The following VWA3B variants were observed in gnomAD, a reference collection of about 807,000 sequenced individuals.
VWA3B encodes von Willebrand factor A domain-containing protein 3B.
In VWA3B, 138 loss-of-function variants were observed where a neutral mutation model predicts 158.3. That is an observed-to-expected ratio of 0.87 (90% confidence interval 0.76 to 1.00). VWA3B has a LOEUF of 1.00. Among genes scored for constraint, VWA3B ranks in the 50% least tolerant of loss-of-function variants. The pLI, the probability that VWA3B is intolerant of heterozygous loss-of-function variation, is 0.00. For missense variants in VWA3B, 1,555 were observed against 1,565.1 expected, an observed-to-expected ratio of 0.99 and a Z score of 0.11; for synonymous variants, 596 against 587.3, an observed-to-expected ratio of 1.01 and a Z score of -0.21.
intron 1 of VWA3B, among the ~76,000 whole-genome samples, chr2:98,090,896 C>T (rs1220343828): frequency 6.6e-6 from 1 of 151,554 alleles, no homozygotes; most frequent in Non-Finnish European, 1.5e-5. Context: ...GCTGGGACTA[C>T]AGGCATGCAC....
intron 12 of VWA3B, among the ~76,000 whole-genome samples, chr2:98,209,688 C>G (rs983118720): frequency 6.6e-6 from 1 of 152,144 alleles, no homozygotes; most frequent in Non-Finnish European, 1.5e-5. Flanking sequence ...TTAGCTCTTC[C>G]TCATTGTTCC....
chr2:98,164,781 A>T (rs2105258273), intron 8 of VWA3B, among the ~76,000 whole-genome samples: 1 of 152,296 alleles, frequency 6.6e-6, no homozygotes, highest in South Asian at 2.1e-4. Flanking sequence ...CACCATACAA[A>T]CAACCTCACT....
intron 25 of VWA3B, among the ~76,000 whole-genome samples, chr2:98,301,433 A>G (rs1690184495): frequency 6.6e-6 from 1 of 152,358 alleles, no homozygotes; most frequent in South Asian, 2.1e-4. Flanking sequence ...TGAATACTTT[A>G]CATATCTATA....
chr2:98,263,667 A>G (rs1365155037), intron 21 of VWA3B, among the ~76,000 whole-genome samples: 1 of 151,870 alleles, frequency 6.6e-6, no homozygotes, highest in Non-Finnish European at 1.5e-5. Flanking sequence ...TTTTTGCATC[A>G]CTGTTCACCA....
intron 16 of VWA3B, 77 bp from the exon 17 acceptor site, chr2:98,234,571 G>T: frequency 1.3e-6 from 2 of 1,590,756 alleles, no homozygotes; most frequent in Non-Finnish European, 1.7e-6. Context: ...TTAAGGAGCT[G>T]ATAAAATAGT....
chr2:98,309,820 C>T (rs777515664), intron 26 of VWA3B, among the ~76,000 whole-genome samples: 1 of 152,220 alleles, frequency 6.6e-6, no homozygotes, highest in African/African-American at 2.4e-5. Flanking sequence ...CTCTGTATGT[C>T]ATTAGCTCCC....
chr2:98,286,208 G>A (rs1042860776), intron 22 of VWA3B, among the ~76,000 whole-genome samples: 6 of 152,064 alleles, frequency 3.9e-5, no homozygotes, highest in Non-Finnish European at 7.4e-5. Context: ...ACAGAATCAT[G>A]TCATTTATGA....
At chr2:98,211,169 A>G (rs984792156) in intron 12 of VWA3B, among the ~76,000 whole-genome samples, 1 of 152,178 alleles carries the variant, frequency 6.6e-6, no homozygotes, top group African/African-American at 2.4e-5. Flanking sequence ...CCTTTATCAT[A>G]AATTCCTTCC....
At chr2:98,205,057 C>G (rs577840709) in intron 12 of VWA3B, among the ~76,000 whole-genome samples, 2 of 152,274 alleles carry the variant, frequency 1.3e-5, no homozygotes, top group Admixed American at 6.5e-5. Flanking sequence ...CTGCAGTGAG[C>G]TGAGATGGCG....
intron 7 of VWA3B, among the ~76,000 whole-genome samples, chr2:98,141,666 G>A (rs1048358939): frequency 6.6e-6 from 1 of 152,216 alleles, no homozygotes; most frequent in African/African-American, 2.4e-5. Context: ...TTGGGAGTCA[G>A]GGAAACTCAT....
intron 23 of VWA3B, among the ~76,000 whole-genome samples, chr2:98,295,101 G>T (rs1053751924): frequency 2.0e-5 from 3 of 152,104 alleles, no homozygotes; most frequent in Non-Finnish European, 1.5e-5. Context: ...AGTCAAAGCA[G>T]CAAAAGTCAG....
the VWA3B span, among the ~76,000 whole-genome samples, chr2:98,323,509 GAA>G: frequency 1.4e-5 from 2 of 146,712 alleles, no homozygotes; most frequent in Admixed American, 1.4e-4. Flanking sequence ...AAAAGAGAAA[GAA>G]AAAAAAAATC....
chr2:98,327,728 A>C, the VWA3B span, among the ~76,000 whole-genome samples: 1 of 152,182 alleles, frequency 6.6e-6, no homozygotes, highest in Non-Finnish European at 1.5e-5. Flanking sequence ...TAGGTTGTTT[A>C]TTTCTTCTGT....
At chr2:98,219,049 C>T (rs899551979) in intron 14 of VWA3B, among the ~76,000 whole-genome samples, 1 of 152,186 alleles carries the variant, frequency 6.6e-6, no homozygotes, top group Admixed American at 6.5e-5. Flanking sequence ...CATCCCAGAA[C>T]AAACCCCAAG....
chr2:98,312,952 A>G lies in VWA3B; in HGVS notation c.*603A>G, dbSNP rs1690997392. 1 of 152,232 alleles carries G rather than the reference A, an allele frequency of 6.6e-6. No homozygotes were observed. The highest frequency in any genetic ancestry group is 2.4e-5 in the African/African-American group (1 of 41,450). The allele number at this position is 152,232 out of a possible 1,614,324, so 9.4% of individuals were successfully genotyped here. A position where few individuals can be genotyped will look rare whatever the true frequency, so the allele number is the denominator to read the frequency against. The stretch of plus-strand genomic sequence containing the variant: ...ATTGGAAACATTTCAAAACCATTGG[A>G]TTGTTGGATTATTTGTTACCATTTT... On this transcript the variant is annotated 3_prime_UTR_variant, in exon 28 of 28. Coordinates refer to ENST00000477737, the MANE Select transcript of VWA3B (RefSeq NM_144992.5).
At chr2:98,142,322 A>G (rs947757665) in intron 7 of VWA3B, among the ~76,000 whole-genome samples, 4 of 152,118 alleles carry the variant, frequency 2.6e-5, no homozygotes, top group Admixed American at 2.6e-4. Context: ...GCTGCAAAGA[A>G]CTGAGGCCAG....
chr2:98,310,812 G>C, intron 26 of VWA3B, among the ~76,000 whole-genome samples: 1 of 152,172 alleles, frequency 6.6e-6, no homozygotes, highest in East Asian at 1.9e-4. Context: ...TGTCACTGCT[G>C]TCGCCCAGGC....
chr2:98,199,851 G>A (rs1406085142), intron 12 of VWA3B, among the ~76,000 whole-genome samples: 2 of 152,174 alleles, frequency 1.3e-5, no homozygotes, highest in Admixed American at 1.3e-4. Context: ...CACTTCATTT[G>A]AATATAAATA....
intron 7 of VWA3B, among the ~76,000 whole-genome samples, chr2:98,161,510 T>A (rs1045195573): frequency 1.3e-5 from 2 of 152,126 alleles, no homozygotes; most frequent in African/African-American, 4.8e-5. Context: ...AATCATAAGG[T>A]GGCTGAAGAC....
Sources: allele counts gnomAD v4.1 joint callset (sites outside exome capture counted in the v4.1 genomes callset), GRCh38; gene constraint gnomAD v4.1.1; transcripts MANE v1.5; gene names NCBI Gene and HGNC (gene_info 2026-07-23, HGNC 2026-07-21).